The following CHCHD3 variants were observed in gnomAD, a reference collection of about 807,000 sequenced individuals.
CHCHD3 encodes the protein coiled-coil-helix-coiled-coil-helix domain containing 3.
A neutral mutation model predicts 38.2 loss-of-function variants in CHCHD3; 20 were observed. That is an observed-to-expected ratio of 0.52 (90% CI 0.37 to 0.76). The LOEUF (loss-of-function observed/expected upper bound fraction) is 0.76, where lower values mean the gene tolerates loss of function less well. Among genes scored for constraint, CHCHD3 ranks in the 30% least tolerant of loss-of-function variants. The probability of loss-of-function intolerance (pLI) is 0.00; values close to 1 mark genes in which losing one functional copy is unlikely to be tolerated. For synonymous variants in CHCHD3, 82 were observed against 100.0 expected, an observed-to-expected ratio of 0.82 and a Z score of 1.07; for missense variants, 245 against 279.2, an observed-to-expected ratio of 0.88 and a Z score of 0.87.
rs377754409 is a variant in CHCHD3 at position 133,059,915 on chromosome 7, G to A, written c.169+10227C>T. ...CTAACTTTATAATACGGTCACTGTG[G>A]CTGAGCGTACAGAACATGGGAAGCG... On this transcript the variant is annotated intron_variant, in intron 2 of 7. Coordinates refer to ENST00000262570, the MANE Select transcript of CHCHD3 (RefSeq NM_017812.4). Among the ~76,000 whole-genome samples, 21 of 152,300 alleles carry A rather than the reference G, an allele frequency of 1.4e-4. 1 individual carries two copies. Among genetic ancestry groups the A allele is most frequent in the Middle Eastern group, 3.4e-3 (1 of 294 alleles).
At chr7:132,791,744 T>G (rs542256382) in intron 7 of CHCHD3, among the ~76,000 whole-genome samples, 1 of 152,282 alleles carries the variant, frequency 6.6e-6, no homozygotes, top group South Asian at 2.1e-4. Context: ...GGCTTTGACT[T>G]AGGAAGCCAA....
chr7:132,833,648 G>C (rs1807701765), intron 6 of CHCHD3, among the ~76,000 whole-genome samples: 1 of 152,154 alleles, frequency 6.6e-6, no homozygotes, highest in African/African-American at 2.4e-5. Context: ...CTCTATGAAT[G>C]AATGATGTGT....
intron 4 of CHCHD3, among the ~76,000 whole-genome samples, chr7:132,934,617 T>C (rs1810593579): frequency 6.6e-6 from 1 of 152,138 alleles, no homozygotes; most frequent in Admixed American, 6.5e-5. Context: ...CCATTATAAC[T>C]CTAGAGCCTG....
chr7:132,902,070 C>T (rs1809683725), intron 4 of CHCHD3, among the ~76,000 whole-genome samples: 1 of 152,172 alleles, frequency 6.6e-6, no homozygotes, highest in African/African-American at 2.4e-5. Flanking sequence ...TTCCCAGCAC[C>T]ATTTGTTAAA....
chr7:132,934,411 G>A (rs1004283744), intron 4 of CHCHD3, among the ~76,000 whole-genome samples: 1 of 152,158 alleles, frequency 6.6e-6, no homozygotes, highest in Non-Finnish European at 1.5e-5. Flanking sequence ...AATCCATGGG[G>A]TGGGACACAG....
At chr7:132,841,644 C>G (rs1807942666) in intron 5 of CHCHD3, among the ~76,000 whole-genome samples, 1 of 152,086 alleles carries the variant, frequency 6.6e-6, no homozygotes, top group South Asian at 2.1e-4. Context: ...TAGTAAACAC[C>G]AAGTTCCACT....
At chr7:132,973,589 A>G in intron 4 of CHCHD3, 9 of 999,692 alleles carry the variant, frequency 9.0e-6, no homozygotes, top group Non-Finnish European at 1.1e-5. Flanking sequence ...CAGTCAGTCC[A>G]CTGACATTTC....
chr7:133,020,143 A>G (rs538425619), intron 3 of CHCHD3, among the ~76,000 whole-genome samples: 23 of 152,352 alleles, frequency 1.5e-4, no homozygotes, highest in African/African-American at 4.8e-4. Context: ...TGTGCGGGAC[A>G]TGATTGTGGA....
intron 6 of CHCHD3, among the ~76,000 whole-genome samples, chr7:132,809,573 C>CA (rs1395083575): frequency 6.6e-6 from 1 of 152,166 alleles, no homozygotes; most frequent in Non-Finnish European, 1.5e-5. Flanking sequence ...TATCCCCTGC[C>CA]TCCTCACAAG....
rs192290061 is a variant in CHCHD3 at position 132,951,120 on chromosome 7, C to T, written c.369+24049G>A. 7.4e-3 allele frequency among the ~76,000 whole-genome samples: 1,127 copies of T among 152,228 alleles called. 13 individuals carry two copies. Among genetic ancestry groups the T allele is most frequent in the African/African-American group, 0.027 (1,106 of 41,556 alleles). ...CACTCACTAATTCTAATGTCATGAT[C>T]CCCCACTGTTTGTCTGCATGATAAT... On this transcript the variant is annotated intron_variant, in intron 4 of 7. Coordinates refer to ENST00000262570, the MANE Select transcript of CHCHD3 (RefSeq NM_017812.4).
At chr7:132,984,832 A>G (rs1370038428) in intron 3 of CHCHD3, among the ~76,000 whole-genome samples, 1 of 121,754 alleles carries the variant, frequency 8.2e-6, no homozygotes, top group Non-Finnish European at 1.8e-5. Context: ...CCCGGCAGCC[A>G]CCCGGTCTGG....
intron 2 of CHCHD3, among the ~76,000 whole-genome samples, chr7:133,037,604 G>C (rs953100908): frequency 6.6e-6 from 1 of 152,118 alleles, no homozygotes; most frequent in African/African-American, 2.4e-5. Context: ...CCTGAGGTCA[G>C]GAGTTCGAGA....
chr7:132,813,684 T>A (rs1563243101), intron 6 of CHCHD3: 1 of 152,204 alleles, frequency 6.6e-6, no homozygotes. Context: ...TGAGCTGCTA[T>A]TTTCAAACAG....
rs548144178 is a variant in CHCHD3, at chr7:132,947,448, TAA to T, written c.369+27719_369+27720del. Reference sequence around the variant, plus strand: ...TCTGATGGCCAGTAAGCATGTAAAATAAAAAGTTTCTAAATTATAGCCTGAAA... The same window carrying T: ...TCTGATGGCCAGTAAGCATGTAAAATAAAGTTTCTAAATTATAGCCTGAAA... On this transcript the variant is annotated intron_variant, in intron 4 of 7. Transcript: ENST00000262570. Among the ~76,000 whole-genome samples, 65 of 151,896 alleles carry T rather than the reference TAA, an allele frequency of 4.3e-4. 1 individual carries two copies. In the East Asian group the frequency reaches 7.1e-3, roughly 17 times the overall value.
chr7:132,934,199 G>A (rs1810582006), intron 4 of CHCHD3, among the ~76,000 whole-genome samples: 1 of 152,162 alleles, frequency 6.6e-6, no homozygotes, highest in Non-Finnish European at 1.5e-5. Context: ...GCTTCAGTAG[G>A]TCCAAGATGG....
At chr7:132,991,869 C>T (rs1812292598) in intron 3 of CHCHD3, among the ~76,000 whole-genome samples, 1 of 152,164 alleles carries the variant, frequency 6.6e-6, no homozygotes, top group African/African-American at 2.4e-5. Context: ...TGCTTCCCCT[C>T]CTCTCCATCT....
At chr7:132,932,160 A>G (rs1810529911) in intron 4 of CHCHD3, among the ~76,000 whole-genome samples, 1 of 152,208 alleles carries the variant, frequency 6.6e-6, no homozygotes, top group South Asian at 2.1e-4. Flanking sequence ...CAGCTGATCT[A>G]TCAATCAATC....
At chr7:132,902,458 C>G (rs1429717609) in intron 4 of CHCHD3, among the ~76,000 whole-genome samples, 1 of 152,146 alleles carries the variant, frequency 6.6e-6, no homozygotes, top group Non-Finnish European at 1.5e-5. Flanking sequence ...GAAAATGTGG[C>G]ATATATACAC....
intron 2 of CHCHD3, among the ~76,000 whole-genome samples, chr7:133,065,812 T>C (rs759159296): frequency 1.1e-4 from 16 of 152,232 alleles, no homozygotes; most frequent in Non-Finnish European, 2.1e-4. Flanking sequence ...TAAATCTTTG[T>C]TAATTTACAC....
Sources: allele counts gnomAD v4.1 joint callset (sites outside exome capture counted in the v4.1 genomes callset), GRCh38; gene constraint gnomAD v4.1.1; transcripts MANE v1.5; gene names NCBI Gene and HGNC (gene_info 2026-07-23, HGNC 2026-07-21).